Variants in RBBP4 observed in about 807,000 individuals in gnomAD.
The protein encoded by RBBP4 is histone-binding protein RBBP4.
RBBP4 carries 3 observed loss-of-function variants against 57.2 expected under a neutral mutation model. The observed-to-expected ratio is 0.05, with a 90% confidence interval of 0.02 to 0.14. RBBP4 has a LOEUF of 0.14. Ranked by LOEUF, RBBP4 falls within the 10% of genes least tolerant of loss-of-function variation. The pLI is 1.00. For missense variants in RBBP4, 107 were observed against 520.6 expected, an observed-to-expected ratio of 0.21 and a Z score of 7.73; for synonymous variants, 151 against 171.5, an observed-to-expected ratio of 0.88 and a Z score of 0.93.
rs1649352489 is a variant in RBBP4, at chr1:32,680,356, G to GGTTTTTTTTTTTTTTTTTTTTTTTTTTTT, written c.*671_*672insTTTTTTTTTGTTTTTTTTTTTTTTTTTTT. The GGTTTTTTTTTTTTTTTTTTTTTTTTTTTT allele has an allele frequency of 8.8e-7, 1 of 1,132,430 alleles. No homozygotes were observed. Among genetic ancestry groups the GGTTTTTTTTTTTTTTTTTTTTTTTTTTTT allele is most frequent in the Non-Finnish European group, 1.1e-6 (1 of 918,184 alleles). The allele number at this position is 1,132,430 out of a possible 1,614,324, so 70.1% of individuals were successfully genotyped here. A position where few individuals can be genotyped will look rare whatever the true frequency, so the allele number is the denominator to read the frequency against. On this transcript the variant is annotated 3_prime_UTR_variant, in exon 12 of 12. Transcript: ENST00000373493. ...AAATGGTGTTTTTTTTTTTGTTGTT[G>GGTTTTTTTTTTTTTTTTTTTTTTTTTTTT]GTTTTTTTTTTTTTTTTTTTAACTT...
At position 32,658,774 on chromosome 1, in the gene RBBP4, C is replaced by T. The variant is rs184256207; in HGVS notation, c.310+1202C>T. Among the ~76,000 whole-genome samples, 651 of 151,794 alleles carry T rather than the reference C, an allele frequency of 4.3e-3. 1 individual carries two copies. Among genetic ancestry groups the T allele is most frequent in the Non-Finnish European group, 6.9e-3 (472 of 67,978 alleles). On this transcript the variant is annotated intron_variant, in intron 3 of 11. Transcript: ENST00000373493. ...TGTTGGTCAGGCTGGTCTCGAACTC[C>T]GGACCTCAAATGATCCTCCTGCCTT...
chr1:32,677,478 A>AAAG (rs775479903), intron 11 of RBBP4, among the ~76,000 whole-genome samples: 1 of 140,394 alleles, frequency 7.1e-6, no homozygotes, highest in Non-Finnish European at 1.6e-5. Flanking sequence ...TTTAAAAAAA[A>AAAG]AAACAAAACA....
At chr1:32,667,336 A>G (rs1281557745) in intron 3 of RBBP4, among the ~76,000 whole-genome samples, 2 of 152,208 alleles carry the variant, frequency 1.3e-5, no homozygotes, top group African/African-American at 2.4e-5. Flanking sequence ...GAAAACGCTG[A>G]CGTATGCTGC....
At chr1:32,651,781 G>T (rs979772803) in intron 1 of RBBP4, 133 bp from the exon 2 acceptor site, 16 of 1,065,874 alleles carry the variant, frequency 1.5e-5, no homozygotes, top group Non-Finnish European at 2.0e-5. Context: ...GAGTGTGGAT[G>T]CCTCTGCCGT....
Position 32,683,733 on chromosome 1 carries a change from A to G in RBBP4, c.*4028A>G, listed in dbSNP as rs1408818192. The G allele has an allele frequency of 2.9e-6, 1 of 339,600 alleles. No homozygotes were observed. The highest frequency in any genetic ancestry group is 3.2e-5 in the South Asian group (1 of 31,122). 21.0% of individuals were successfully genotyped at this position (339,600 alleles called of 1,614,324 possible). A position where few individuals can be genotyped will look rare whatever the true frequency, so the allele number is the denominator to read the frequency against. ...ACTGCAACCTCTGCCTCCTGGTTCA[A>G]GCGATTCTCCTGCCTTGGCCTCCTG... On this transcript the variant is annotated 3_prime_UTR_variant, in exon 12 of 12. Transcript: ENST00000373493.
rs1284820827 is a variant in RBBP4 at position 32,679,921 on chromosome 1, A to G, written c.*216A>G. On this transcript the variant is annotated 3_prime_UTR_variant, in exon 12 of 12. Transcript: ENST00000373493. Reference sequence around the variant, plus strand: ...CAGACTTAACGTTGAAATTTTCTTCAGGAATTTTCTAGTAACCCAGGTCTA... The same window carrying G: ...CAGACTTAACGTTGAAATTTTCTTCGGGAATTTTCTAGTAACCCAGGTCTA... 17 of 1,292,760 alleles carry G rather than the reference A, an allele frequency of 1.3e-5. No homozygotes were observed. The East Asian group carries it at 2.3e-4, about 17-fold the overall frequency. The allele number at this position is 1,292,760 out of a possible 1,614,324, so 80.1% of individuals were successfully genotyped here.
chr1:32,679,942 G>C lies in RBBP4; in HGVS notation c.*237G>C. On this transcript the variant is annotated 3_prime_UTR_variant, in exon 12 of 12. Coordinates refer to ENST00000373493, the MANE Select transcript of RBBP4 (RefSeq NM_005610.3). ...CTTCAGGAATTTTCTAGTAACCCAGGTCTAAAGTAGCTACAGAAAGGGGAA... is the reference window on the plus strand; with the variant it reads ...CTTCAGGAATTTTCTAGTAACCCAGCTCTAAAGTAGCTACAGAAAGGGGAA... 2.3e-6 allele frequency: 3 copies of C among 1,284,970 alleles called. No individual in the cohort carries two copies. The highest frequency in any genetic ancestry group is 4.5e-5 in the South Asian group (2 of 44,792). The allele number at this position is 1,284,970 out of a possible 1,614,324, so 79.6% of individuals were successfully genotyped here.
At chr1:32,674,971 T>G (rs1649037855) in intron 11 of RBBP4, among the ~76,000 whole-genome samples, 1 of 152,094 alleles carries the variant, frequency 6.6e-6, no homozygotes, top group Admixed American at 6.6e-5. Flanking sequence ...TCTCCTGACC[T>G]CATGATCCGC....
At chr1:32,656,443 C>T (rs918073666) in intron 2 of RBBP4, among the ~76,000 whole-genome samples, 2 of 152,138 alleles carry the variant, frequency 1.3e-5, no homozygotes, top group South Asian at 2.1e-4. Context: ...ACCTCTGCCT[C>T]CTGGGTTCAA....
At chr1:32,679,562 C>T in intron 11 of RBBP4, 78 bp from the exon 12 acceptor site, 1 of 1,313,550 alleles carries the variant, frequency 7.6e-7, no homozygotes, top group African/African-American at 1.5e-5. Context: ...CTCTGGCTTC[C>T]TGGCCTAATC....
rs1463604987 is a variant in RBBP4, at chr1:32,681,805, A to G, written c.*2100A>G. ...AAGGGTACTTAGTGATCCTTTGCTA[A>G]GAAGTTTTTTGCTGTTTCCGGGTTA... On this transcript the variant is annotated 3_prime_UTR_variant, in exon 12 of 12. Coordinates refer to ENST00000373493, the MANE Select transcript of RBBP4 (RefSeq NM_005610.3). 6.2e-7 allele frequency: 1 copy of G among 1,614,172 alleles called. No individual in the cohort carries two copies. Among genetic ancestry groups the G allele is most frequent in the Admixed American group, 1.7e-5 (1 of 60,008 alleles).
intron 11 of RBBP4, among the ~76,000 whole-genome samples, chr1:32,678,730 CAG>C (rs1412810271): frequency 2.6e-5 from 4 of 151,600 alleles, no homozygotes; most frequent in African/African-American, 9.7e-5. Context: ...GCTGGGACCA[CAG>C]GGGTGCACCC....
In RBBP4 at chr1:32,685,688, C is replaced by G. The variant is rs1448445706; in HGVS notation, c.*5983C>G. 2.0e-5 allele frequency: 3 copies of G among 152,212 alleles called. No homozygotes were observed. Among genetic ancestry groups the G allele is most frequent in the African/African-American group, 7.2e-5 (3 of 41,444 alleles). The allele number at this position is 152,212 out of a possible 1,614,324, so 9.4% of individuals were successfully genotyped here. On this transcript the variant is annotated 3_prime_UTR_variant, in exon 12 of 12. Coordinates refer to ENST00000373493, the MANE Select transcript of RBBP4 (RefSeq NM_005610.3). ...ATCTGAAGAGGGAAGCATCTGCATACTGCTGTCCTGATTGCTCAGTCCTCA... is the reference window on the plus strand; with the variant it reads ...ATCTGAAGAGGGAAGCATCTGCATAGTGCTGTCCTGATTGCTCAGTCCTCA...
Position 32,679,774 on chromosome 1 carries a change from T to C in RBBP4, c.*69T>C. On this transcript the variant is annotated 3_prime_UTR_variant, in exon 12 of 12. Coordinates refer to ENST00000373493, the MANE Select transcript of RBBP4 (RefSeq NM_005610.3). The stretch of plus-strand genomic sequence containing the variant: ...CTCAACCCTGAGAGTGATTTAACAC[T>C]GGTTTTGAGACAGACTTTATTCAGC... 4 of 1,596,416 alleles carry C rather than the reference T, an allele frequency of 2.5e-6. No individual in the cohort carries two copies. The highest frequency in any genetic ancestry group is 3.4e-6 in the Non-Finnish European group (4 of 1,173,136).
At chr1:32,660,374 G>T (rs1557853359) in intron 3 of RBBP4, among the ~76,000 whole-genome samples, 1 of 151,854 alleles carries the variant, frequency 6.6e-6, no homozygotes, top group Non-Finnish European at 1.5e-5. Context: ...CTCCCAAGTA[G>T]CTCTGGCTAC....
intron 4 of RBBP4, 34 bp from the exon 5 acceptor site, chr1:32,668,705 A>G: frequency 6.5e-7 from 1 of 1,547,146 alleles, no homozygotes; most frequent in East Asian, 2.2e-5. Context: ...GAGCCAGTGG[A>G]CTGGGTAGTC....
intron 11 of RBBP4, among the ~76,000 whole-genome samples, chr1:32,674,077 G>A (rs995463375): frequency 6.6e-6 from 1 of 152,178 alleles, no homozygotes. Flanking sequence ...CTCTGGCCTG[G>A]GCGACAGAGC....
chr1:32,651,639 C>A, intron 1 of RBBP4: 1 of 761,188 alleles, frequency 1.3e-6, no homozygotes, highest in Non-Finnish European at 2.0e-6. Context: ...GGAGCTCGGG[C>A]CTCCTCGTCG....
At chr1:32,652,255 T>A (rs1187700551) in intron 2 of RBBP4, 194 bp downstream of exon 2, 3 of 623,616 alleles carry the variant, frequency 4.8e-6, no homozygotes, top group Non-Finnish European at 8.0e-6. Flanking sequence ...AGAAAACATA[T>A]TGGCGTTTTT....
Sources: allele counts gnomAD v4.1 joint callset (sites outside exome capture counted in the v4.1 genomes callset), GRCh38; gene constraint gnomAD v4.1.1; transcripts MANE v1.5; gene names NCBI Gene and HGNC (gene_info 2026-07-23, HGNC 2026-07-21).